The following TMEM132C variants were observed in gnomAD, a reference collection of about 807,000 sequenced individuals.
TMEM132C encodes the protein transmembrane protein 132C, also known as protein phosphatase 1, regulatory subunit 152.
Under a neutral mutation model 61.4 loss-of-function variants are expected in TMEM132C, and 29 were observed. That is an observed-to-expected ratio of 0.47 (90% CI 0.35 to 0.64). The LOEUF (loss-of-function observed/expected upper bound fraction) is 0.64. Among genes scored for constraint, TMEM132C ranks in the 30% least tolerant of loss-of-function variants. TMEM132C has a pLI of 0.00. For missense variants in TMEM132C, 1,408 were observed against 1,476.9 expected, an observed-to-expected ratio of 0.95 and a Z score of 0.76; for synonymous variants, 656 against 633.1, an observed-to-expected ratio of 1.04 and a Z score of -0.54.
At position 128,659,499 on chromosome 12, in the gene TMEM132C, C is replaced by T. The variant is rs535433494; in HGVS notation, c.1306-9918C>T. ...GAAACTTTTGGTCTGCAGTCAGCTC[C>T]GCAAGCCCCCAGAGGAGACCAAGCA... On this transcript the variant is annotated intron_variant, in intron 4 of 8. Coordinates refer to ENST00000435159, the MANE Select transcript of TMEM132C (RefSeq NM_001136103.3). Among the ~76,000 whole-genome samples the T allele has an allele frequency of 5.9e-5, 9 of 152,324 alleles. No individual in the cohort carries two copies. The South Asian group carries it at 1.2e-3, about 21-fold the overall frequency.
intron 2 of TMEM132C, among the ~76,000 whole-genome samples, chr12:128,452,052 A>T (rs552491860): frequency 6.6e-6 from 1 of 152,234 alleles, no homozygotes. Flanking sequence ...AGGCCAAGCA[A>T]TTTTCTTTTA....
At position 128,534,542 on chromosome 12, in the gene TMEM132C, C is replaced by T. The variant is rs564036427; in HGVS notation, c.975-9415C>T. ...GACCCTCCAGAAGCAGGGCTGGAAG[C>T]TCCTCCCCTCCATGCAGCCTGGCTG... On this transcript the variant is annotated intron_variant, in intron 2 of 8. Transcript: ENST00000435159. 2.6e-4 allele frequency among the ~76,000 whole-genome samples: 40 copies of T among 152,360 alleles called. No individual in the cohort carries two copies. In the South Asian group the frequency reaches 6.8e-3, roughly 26 times the overall value.
chr12:128,636,560 T>TGTGTG (rs1565998382), intron 4 of TMEM132C, among the ~76,000 whole-genome samples: 2 of 100,680 alleles, frequency 2.0e-5, no homozygotes, highest in African/African-American at 9.6e-5. Context: ...TTTTGGGTTT[T>TGTGTG]TGTTTGTGTG....
intron 1 of TMEM132C, among the ~76,000 whole-genome samples, chr12:128,351,725 C>T (rs1444934626): frequency 6.6e-6 from 1 of 152,138 alleles, no homozygotes; most frequent in Non-Finnish European, 1.5e-5. Context: ...AGGGCTGACT[C>T]ACTCCCGTGA....
At chr12:128,311,253 C>G (rs1390609975) in intron 1 of TMEM132C, among the ~76,000 whole-genome samples, 1 of 152,236 alleles carries the variant, frequency 6.6e-6, no homozygotes, top group Non-Finnish European at 1.5e-5. Context: ...ATCCGTACTT[C>G]TTTCTAGCCA....
At chr12:128,685,014 C>T (rs1401386178) in intron 5 of TMEM132C, among the ~76,000 whole-genome samples, 1 of 152,136 alleles carries the variant, frequency 6.6e-6, no homozygotes, top group Admixed American at 6.5e-5. Flanking sequence ...AAGTCAGGTC[C>T]TGGTGAATGT....
At position 128,415,739 on chromosome 12, in the gene TMEM132C, G is replaced by A. The variant is rs1219499925; in HGVS notation, c.974+119G>A. On this transcript the variant is annotated intron_variant, in intron 2 of 8. Coordinates refer to ENST00000435159, the MANE Select transcript of TMEM132C (RefSeq NM_001136103.3). This position sits in a 1 kb window ranked among gnomAD's most constrained non-coding sequence, Gnocchi z 5.8. ...TTTCACTACCTTCAGGGACCGTTTG[G>A]CATTAACAGGGGAAGGCAAATTATG... 8 of 1,232,832 alleles carry A rather than the reference G, an allele frequency of 6.5e-6. No homozygotes were observed. In the African/African-American group the frequency reaches 9.1e-5, roughly 14 times the overall value. The allele number at this position is 1,232,832 out of a possible 1,614,324, so 76.4% of individuals were successfully genotyped here. A position where few individuals can be genotyped will look rare whatever the true frequency, so the allele number is the denominator to read the frequency against.
At chr12:128,314,811 G>T (rs10847599) in intron 1 of TMEM132C, among the ~76,000 whole-genome samples, 48,314 of 151,844 alleles carry the variant, frequency 0.32, 8,286 homozygotes, top group East Asian at 0.47. Context: ...TGGACTTCTG[G>T]CCTCCAGAAC....
intron 3 of TMEM132C, among the ~76,000 whole-genome samples, chr12:128,589,505 C>G (rs939073723): frequency 6.6e-6 from 1 of 151,604 alleles, no homozygotes; most frequent in Non-Finnish European, 1.5e-5. Context: ...GCACCTCCCC[C>G]TCCCCACAGC....
At chr12:128,665,896 C>T (rs1254740210) in intron 4 of TMEM132C, among the ~76,000 whole-genome samples, 1 of 149,042 alleles carries the variant, frequency 6.7e-6, no homozygotes, top group East Asian at 2.0e-4. Flanking sequence ...CACACAGCCA[C>T]ACACACATTC....
chr12:128,361,442 G>C (rs1014365613), intron 1 of TMEM132C, among the ~76,000 whole-genome samples: 3 of 152,120 alleles, frequency 2.0e-5, no homozygotes, highest in African/African-American at 7.2e-5. Context: ...AGAAGTGCCT[G>C]CCTGACCCTT....
intron 2 of TMEM132C, among the ~76,000 whole-genome samples, chr12:128,524,094 T>G (rs1262364205): frequency 6.6e-6 from 1 of 151,952 alleles, no homozygotes; most frequent in Non-Finnish European, 1.5e-5. Context: ...ATGTGATTCT[T>G]TTGAGTCATT....
chr12:128,417,938 C>G (rs934931083), intron 2 of TMEM132C, among the ~76,000 whole-genome samples: 7 of 152,132 alleles, frequency 4.6e-5, no homozygotes, highest in African/African-American at 1.4e-4. Flanking sequence ...ACAGAGGTTA[C>G]TAATGGCGTG....
intron 5 of TMEM132C, among the ~76,000 whole-genome samples, chr12:128,686,064 TGCATGCGTGTGTGC>T (rs1566014934): frequency 1.3e-5 from 1 of 76,748 alleles, no homozygotes; most frequent in African/African-American, 3.3e-5. Flanking sequence ...TGTGTGTGTG[TGCATGCGTGTGTGC>T]GCATGTGTGT....
intron 5 of TMEM132C, among the ~76,000 whole-genome samples, chr12:128,682,541 G>A (rs4882804): frequency 0.54 from 81,435 of 152,158 alleles, 21,825 homozygotes; most frequent in African/African-American, 0.56. Context: ...GTCCTGCATT[G>A]TCTGTGAGAG....
At chr12:128,367,421 C>T (rs1037406034) in intron 1 of TMEM132C, among the ~76,000 whole-genome samples, 2 of 152,186 alleles carry the variant, frequency 1.3e-5, no homozygotes, top group Non-Finnish European at 2.9e-5. Flanking sequence ...TTTTTGGCAG[C>T]TTCACCTAGG....
At chr12:128,665,869 GCACACGTACCCATAAACACACAGC>G (rs1954460991) in intron 4 of TMEM132C, among the ~76,000 whole-genome samples, 1 of 85,934 alleles carries the variant, frequency 1.2e-5, no homozygotes, top group South Asian at 3.9e-4. Context: ...ATACACACAG[GCACACGTACCCATAAACACACAGC>G]CACACACACA....
chr12:128,354,063 T>A (rs1035588772), intron 1 of TMEM132C, among the ~76,000 whole-genome samples: 2 of 152,200 alleles, frequency 1.3e-5, no homozygotes, highest in African/African-American at 4.8e-5. Context: ...CAGGGTGGCT[T>A]GAGTCTCTTC....
chr12:128,494,811 A>AT (rs1377903095), intron 2 of TMEM132C, among the ~76,000 whole-genome samples: 1 of 151,662 alleles, frequency 6.6e-6, no homozygotes, highest in Non-Finnish European at 1.5e-5. Flanking sequence ...GGATTCATGG[A>AT]TTTTTTGAAG....
Sources: gnomAD v4.1 joint callset for allele counts (sites outside exome capture counted in the v4.1 genomes callset) on GRCh38, gnomAD v4.1.1 for gene constraint, Gnocchi (gnomAD v3.1) non-coding constraint, MANE v1.5 for transcripts, NCBI Gene and HGNC (gene_info 2026-07-23, HGNC 2026-07-21) for gene names.